The following RALA variants were observed in gnomAD, a reference collection of about 807,000 sequenced individuals.
RALA encodes RAS like proto-oncogene A.
In RALA, 5 loss-of-function variants were observed where a neutral mutation model predicts 24.0. That is an observed-to-expected ratio of 0.21 (90% CI 0.11 to 0.44). The LOEUF (loss-of-function observed/expected upper bound fraction) is 0.44. Ranked by LOEUF, RALA falls within the 20% of genes least tolerant of loss-of-function variation. RALA has a pLI of 0.99. For synonymous variants in RALA, 77 were observed against 83.8 expected, an observed-to-expected ratio of 0.92 and a Z score of 0.44; for missense variants, 95 against 241.2, an observed-to-expected ratio of 0.39 and a Z score of 4.01.
chr7:39,656,141 C>T (rs1048917523), intron 1 of RALA, among the ~76,000 whole-genome samples: 3 of 152,048 alleles, frequency 2.0e-5, no homozygotes, highest in African/African-American at 4.8e-5. Flanking sequence ...TAAATTTATT[C>T]CCAAGCCTTG....
At chr7:39,628,256 C>T (rs1791528892) in intron 1 of RALA, among the ~76,000 whole-genome samples, 1 of 152,114 alleles carries the variant, frequency 6.6e-6, no homozygotes, top group Non-Finnish European at 1.5e-5. Flanking sequence ...TAAGACTGGG[C>T]TGATTGCTTC....
chr7:39,628,376 TACACACACACAC>T lies in RALA; in HGVS notation c.-38+4577_-38+4588del, dbSNP rs36095637. 1.7e-4 allele frequency among the ~76,000 whole-genome samples: 24 copies of T among 145,142 alleles called. No individual in the cohort carries two copies. The East Asian group carries it at 2.9e-3, about 17-fold the overall frequency. ...CAGCAGTCCACAGTAACCTCATAAC[TACACACACACAC>T]ACACACACACACACACACACACACA... is the stretch of plus-strand genomic sequence containing the variant. On this transcript the variant is annotated intron_variant, in intron 1 of 4. Coordinates refer to ENST00000005257, the MANE Select transcript of RALA (RefSeq NM_005402.4).
intron 1 of RALA, among the ~76,000 whole-genome samples, chr7:39,642,304 G>A (rs1286840409): frequency 1.3e-5 from 2 of 152,082 alleles, no homozygotes; most frequent in Non-Finnish European, 2.9e-5. Context: ...TAGGCTTCCA[G>A]GGGTGGGAAA....
intron 1 of RALA, among the ~76,000 whole-genome samples, chr7:39,668,080 T>C (rs962498688): frequency 6.6e-6 from 1 of 152,160 alleles, no homozygotes; most frequent in Non-Finnish European, 1.5e-5. Context: ...GAACTAGCAA[T>C]TCACAAAATA....
intron 1 of RALA, among the ~76,000 whole-genome samples, chr7:39,651,610 T>G (rs989504914): frequency 6.6e-6 from 1 of 152,106 alleles, no homozygotes; most frequent in South Asian, 2.1e-4. Context: ...AAAAGTAACA[T>G]TTGTGGTAGA....
intron 1 of RALA, among the ~76,000 whole-genome samples, chr7:39,682,651 TTTTC>T (rs1339787152): frequency 6.6e-6 from 1 of 152,234 alleles, no homozygotes; most frequent in Non-Finnish European, 1.5e-5. Context: ...GGCACTTTTT[TTTTC>T]TTTCTAAGAC....
chr7:39,655,099 C>T (rs1479880511), intron 1 of RALA, among the ~76,000 whole-genome samples: 1 of 152,220 alleles, frequency 6.6e-6, no homozygotes. Flanking sequence ...GTTCTAGCAT[C>T]ATTGTTTAAA....
At chr7:39,657,924 T>C (rs549624927) in intron 1 of RALA, among the ~76,000 whole-genome samples, 17 of 152,350 alleles carry the variant, frequency 1.1e-4, no homozygotes, top group African/African-American at 3.8e-4. Context: ...GCCCAGCCTG[T>C]GTGATACTAG....
intron 1 of RALA, among the ~76,000 whole-genome samples, chr7:39,680,479 G>C (rs1792573306): frequency 1.3e-5 from 2 of 151,728 alleles, no homozygotes. Context: ...GGAAGGCTGA[G>C]GCAGGAGAAT....
At chr7:39,682,421 C>A (rs1377096083) in intron 1 of RALA, among the ~76,000 whole-genome samples, 1 of 152,226 alleles carries the variant, frequency 6.6e-6, no homozygotes, top group Non-Finnish European at 1.5e-5. Flanking sequence ...TCTCTACACA[C>A]CAACCAGGGT....
chr7:39,632,716 C>T (rs971619813), intron 1 of RALA, among the ~76,000 whole-genome samples: 1 of 152,080 alleles, frequency 6.6e-6, no homozygotes, highest in Admixed American at 6.5e-5. Flanking sequence ...TACTAGGGAG[C>T]TGAGGTGGGA....
chr7:39,686,032 CCT>C (rs1792696899), intron 1 of RALA, among the ~76,000 whole-genome samples: 1 of 151,958 alleles, frequency 6.6e-6, no homozygotes, highest in Non-Finnish European at 1.5e-5. Flanking sequence ...ATGGCGAAAC[CCT>C]GTCTCTACTA....
intron 1 of RALA, among the ~76,000 whole-genome samples, chr7:39,661,921 T>C (rs902530052): frequency 3.3e-5 from 5 of 152,154 alleles, no homozygotes; most frequent in African/African-American, 1.2e-4. Context: ...TCCAGGCGTT[T>C]CTATACATCC....
intron 1 of RALA, among the ~76,000 whole-genome samples, chr7:39,653,848 T>G (rs933308016): frequency 9.8e-5 from 15 of 152,332 alleles, no homozygotes; most frequent in African/African-American, 3.6e-4. Flanking sequence ...CCAATACTGA[T>G]GAACTGTTCT....
intron 3 of RALA, among the ~76,000 whole-genome samples, chr7:39,691,648 G>GA (rs1792819929): frequency 2.0e-5 from 3 of 152,198 alleles, no homozygotes; most frequent in Non-Finnish European, 2.9e-5. Context: ...ATGCACACTT[G>GA]AAAATCTCAA....
chr7:39,675,448 A>G (rs1792467390), intron 1 of RALA, among the ~76,000 whole-genome samples: 1 of 152,164 alleles, frequency 6.6e-6, no homozygotes, highest in Non-Finnish European at 1.5e-5. Context: ...AGGAAAATAT[A>G]CTTGTGGGCC....
chr7:39,678,881 A>G (rs2116045174), intron 1 of RALA, among the ~76,000 whole-genome samples: 1 of 152,312 alleles, frequency 6.6e-6, no homozygotes, highest in Non-Finnish European at 1.5e-5. Context: ...ACATGATACA[A>G]AAATCAAATG....
chr7:39,690,309 G>A (rs1472387796), intron 2 of RALA, 73 bp from the exon 3 acceptor site: 1 of 1,344,786 alleles, frequency 7.4e-7, no homozygotes, highest in African/African-American at 1.5e-5. Context: ...AGCTTCACAT[G>A]AATTTATAAT....
intron 1 of RALA, among the ~76,000 whole-genome samples, chr7:39,630,163 C>T (rs182378393): frequency 6.6e-6 from 1 of 152,146 alleles, no homozygotes; most frequent in Non-Finnish European, 1.5e-5. Flanking sequence ...CCCACCTCAG[C>T]CTCCTGAGTA....
Sources: allele counts gnomAD v4.1 joint callset (sites outside exome capture counted in the v4.1 genomes callset), GRCh38; gene constraint gnomAD v4.1.1; transcripts MANE v1.5; gene names NCBI Gene and HGNC (gene_info 2026-07-23, HGNC 2026-07-21).